The following PTPRA variants were observed in gnomAD, a reference collection of about 807,000 sequenced individuals.
The protein encoded by PTPRA is protein tyrosine phosphatase receptor type A.
A neutral mutation model predicts 104.8 loss-of-function variants in PTPRA; 25 were observed. The observed-to-expected ratio is 0.24, with a 90% CI of 0.17 to 0.33. The LOEUF is 0.33. Ranked by LOEUF, PTPRA falls within the 10% of genes least tolerant of loss-of-function variation. The pLI, the probability that PTPRA is intolerant of heterozygous loss-of-function variation, is 1.00. For synonymous variants in PTPRA, 323 were observed against 368.9 expected, an observed-to-expected ratio of 0.88 and a Z score of 1.43; for missense variants, 765 against 1,015.3, an observed-to-expected ratio of 0.75 and a Z score of 3.35.
intron 1 of PTPRA, among the ~76,000 whole-genome samples, chr20:2,897,579 G>T (rs963512875): frequency 7.3e-5 from 11 of 151,434 alleles, no homozygotes; most frequent in Admixed American, 2.0e-4. Flanking sequence ...GTTGAGATGG[G>T]GTTTCACCAT....
intron 2 of PTPRA, 22 bp from the exon 3 acceptor site, chr20:2,947,960 T>G: frequency 2.9e-6 from 3 of 1,043,166 alleles, no homozygotes; most frequent in Non-Finnish European, 3.9e-6. Context: ...TAATTAACTG[T>G]TTTTTATTTC....
At chr20:2,954,850 C>T (rs2061479606) in intron 3 of PTPRA, among the ~76,000 whole-genome samples, 3 of 152,050 alleles carry the variant, frequency 2.0e-5, no homozygotes, top group Admixed American at 2.0e-4. Context: ...GGTTTTCGAC[C>T]CATTTTTAGT....
Position 2,929,387 on chromosome 20 carries a change from C to A in PTPRA, c.-50+6102C>A, listed in dbSNP as rs563159118. The stretch of plus-strand genomic sequence containing the variant: ...TTGTATTTCTTCAGTTTTATTTAGC[C>A]TCTGTTGTGTGTTCACACATTCCTT... On this transcript the variant is annotated intron_variant, in intron 2 of 23. Coordinates refer to ENST00000399903, the MANE Select transcript of PTPRA (RefSeq NM_001385305.1). 5.9e-5 allele frequency among the ~76,000 whole-genome samples: 9 copies of A among 152,260 alleles called. 1 individual carries two copies. Among genetic ancestry groups the A allele is most frequent in the African/African-American group, 2.2e-4 (9 of 41,526 alleles).
At chr20:2,932,071 ATG>A (rs2060526675) in intron 2 of PTPRA, among the ~76,000 whole-genome samples, 2 of 152,218 alleles carry the variant, frequency 1.3e-5, no homozygotes, top group Admixed American at 1.3e-4. Context: ...TAAAATTTTG[ATG>A]TGTGAATGGT....
intron 3 of PTPRA, among the ~76,000 whole-genome samples, chr20:2,951,395 C>G (rs1370968110): frequency 1.3e-5 from 2 of 152,154 alleles, no homozygotes; most frequent in Non-Finnish European, 2.9e-5. Context: ...CCACTGCGCC[C>G]AGCAACTATG....
chr20:3,030,601 G>A (rs1001948786), intron 20 of PTPRA, among the ~76,000 whole-genome samples: 1 of 148,626 alleles, frequency 6.7e-6, no homozygotes, highest in Non-Finnish European at 1.5e-5. Context: ...AAAAAAATTC[G>A]ATCCCATAAT....
At chr20:2,979,983 G>C (rs2062603361) in intron 6 of PTPRA, among the ~76,000 whole-genome samples, 2 of 152,070 alleles carry the variant, frequency 1.3e-5, no homozygotes, top group Non-Finnish European at 2.9e-5. Context: ...CACGATCTCG[G>C]TTCACCGCAA....
At chr20:2,924,453 T>C (rs2060220084) in intron 2 of PTPRA, among the ~76,000 whole-genome samples, 1 of 152,136 alleles carries the variant, frequency 6.6e-6, no homozygotes, top group Non-Finnish European at 1.5e-5. Context: ...TGGAATTTTA[T>C]TCAGTAATAG....
chr20:3,007,528 C>A, intron 11 of PTPRA, 108 bp downstream of exon 11: 2 of 1,247,468 alleles, frequency 1.6e-6, no homozygotes, highest in Non-Finnish European at 2.3e-6. Context: ...TTCATGTTTT[C>A]CCTGACAAGT....
intron 20 of PTPRA, among the ~76,000 whole-genome samples, chr20:3,033,293 C>T (rs1450979573): frequency 6.6e-6 from 1 of 151,962 alleles, no homozygotes; most frequent in East Asian, 1.9e-4. Flanking sequence ...CACCTTCTGC[C>T]CAGTTGCTCA....
intron 3 of PTPRA, among the ~76,000 whole-genome samples, chr20:2,959,082 G>C (rs2061651997): frequency 1.3e-5 from 2 of 152,180 alleles, no homozygotes; most frequent in South Asian, 4.1e-4. Context: ...GTCTTTCTCG[G>C]AGACGGATGA....
rs1324636448 is a variant in PTPRA, at chr20:2,910,600, G to GT, written c.-128-12599dup. Reference sequence around the variant, plus strand: ...CTAGTTTTTTTTTTGTTTTTTTTTTGTTTTTTTTAATTTTTTTTTTTTTTT... The same window carrying GT: ...CTAGTTTTTTTTTTGTTTTTTTTTTGTTTTTTTTTAATTTTTTTTTTTTTTT... On this transcript the variant is annotated intron_variant, in intron 1 of 23. Coordinates refer to ENST00000399903, the MANE Select transcript of PTPRA (RefSeq NM_001385305.1). Among the ~76,000 whole-genome samples, 70 of 64,342 alleles carry GT rather than the reference G, an allele frequency of 1.1e-3. 3 individuals are homozygous for GT. Among genetic ancestry groups the GT allele is most frequent in the African/African-American group, 1.4e-3 (22 of 15,434 alleles). The allele number at this position is 64,342 out of a possible 152,430, so 42.2% of individuals were successfully genotyped here. A position where few individuals can be genotyped will look rare whatever the true frequency, so the allele number is the denominator to read the frequency against.
chr20:2,865,256 C>G, the PTPRA span: 64 of 1,614,090 alleles, frequency 4.0e-5, no homozygotes, highest in Non-Finnish European at 5.0e-5. The surrounding 1 kb of genome is among the most constrained non-coding windows in gnomAD (Gnocchi z 5.2). Context: ...CACCCTCATT[C>G]TTGGCGGTCA....
chr20:2,950,961 C>T lies in PTPRA; in HGVS notation c.-7+2937C>T, dbSNP rs1022114829. Among the ~76,000 whole-genome samples, 15 of 152,176 alleles carry T rather than the reference C, an allele frequency of 9.9e-5. No individual in the cohort carries two copies. Among genetic ancestry groups the T allele is most frequent in the Admixed American group, 9.8e-4 (15 of 15,262 alleles). On this transcript the variant is annotated intron_variant, in intron 3 of 23. Transcript: ENST00000399903. The surrounding 1 kb of genome is among the most constrained non-coding windows in gnomAD (Gnocchi z 4.0). ...CTTTTATAATCACTGCCTCTTGCCC[C>T]TGCCCACTCCCTCATCCTTAAGCAA...
upstream of PTPRA, among the ~76,000 whole-genome samples, chr20:2,871,873 T>C (rs570680910): frequency 4.6e-5 from 7 of 152,252 alleles, no homozygotes; most frequent in Non-Finnish European, 7.4e-5. Context: ...GGTTCGGCCA[T>C]TTCACCCTCA....
chr20:2,962,227 A>G (rs1306385514), intron 3 of PTPRA, among the ~76,000 whole-genome samples: 2 of 152,146 alleles, frequency 1.3e-5, no homozygotes, highest in African/African-American at 2.4e-5. Context: ...CATAAACATT[A>G]TTTATGATGG....
intron 20 of PTPRA, among the ~76,000 whole-genome samples, chr20:3,029,540 C>CTTTTTTTTGTTTTT (rs2065322888): frequency 1.3e-5 from 1 of 78,084 alleles, no homozygotes; most frequent in African/African-American, 5.5e-5. Flanking sequence ...TCTTCATCAT[C>CTTTTTTTTGTTTTT]TTTTTTTTTT....
chr20:3,019,204 T>C (rs1161608341), intron 13 of PTPRA, among the ~76,000 whole-genome samples: 1 of 138,794 alleles, frequency 7.2e-6, no homozygotes, highest in East Asian at 2.2e-4. Flanking sequence ...GGCGTGGGGC[T>C]GACCCCCCCA....
At chr20:2,961,121 G>C (rs1208032631) in intron 3 of PTPRA, among the ~76,000 whole-genome samples, 5 of 152,190 alleles carry the variant, frequency 3.3e-5, no homozygotes, top group South Asian at 4.1e-4. Flanking sequence ...AGTGGCATAA[G>C]TTTTCATCTC....
Sources: allele counts gnomAD v4.1 joint callset (sites outside exome capture counted in the v4.1 genomes callset), GRCh38; gene constraint gnomAD v4.1.1; non-coding constraint Gnocchi (gnomAD v3.1); transcripts MANE v1.5; gene names NCBI Gene and HGNC (gene_info 2026-07-23, HGNC 2026-07-21).